The following MFHAS1 variants were observed in gnomAD, a reference collection of about 807,000 sequenced individuals.
MFHAS1 encodes malignant fibrous histiocytoma-amplified sequence 1.
MFHAS1 carries 50 observed loss-of-function variants against 70.4 expected under a neutral mutation model. The ratio of observed to expected loss-of-function variants is 0.71; its 90% confidence interval spans 0.57 to 0.90. MFHAS1 has a LOEUF of 0.90. Among genes scored for constraint, MFHAS1 ranks in the 40% least tolerant of loss-of-function variants. The probability of loss-of-function intolerance (pLI) is 0.00; values close to 1 mark genes in which losing one functional copy is unlikely to be tolerated. For missense variants in MFHAS1, 1,795 were observed against 1,347.6 expected (o/e 1.33, Z -5.20); for synonymous variants, 952 against 620.0 (o/e 1.54, Z -7.96).
intron 1 of MFHAS1, among the ~76,000 whole-genome samples, chr8:8,847,224 C>G (rs1808069742): frequency 6.6e-6 from 1 of 152,116 alleles, no homozygotes; most frequent in African/African-American, 2.4e-5. Context: ...TCTTGTCATC[C>G]AGGCTGGAGT....
At chr8:8,851,682 T>C (rs946399485) in intron 1 of MFHAS1, among the ~76,000 whole-genome samples, 1 of 152,210 alleles carries the variant, frequency 6.6e-6, no homozygotes, top group African/African-American at 2.4e-5. Flanking sequence ...CCCTTCCTCT[T>C]GCCTTGTTTT....
intron 1 of MFHAS1, among the ~76,000 whole-genome samples, chr8:8,878,391 G>A (rs1235052762): frequency 1.3e-5 from 2 of 152,046 alleles, no homozygotes; most frequent in Non-Finnish European, 2.9e-5. Context: ...ACTTCCTAGG[G>A]CTGCTGTGGG....
chr8:8,820,900 C>T (rs1006366918), intron 1 of MFHAS1, among the ~76,000 whole-genome samples: 19 of 152,230 alleles, frequency 1.2e-4, no homozygotes, highest in African/African-American at 4.1e-4. Flanking sequence ...AACAAACCCA[C>T]ATCACACATT....
intron 1 of MFHAS1, among the ~76,000 whole-genome samples, chr8:8,804,846 C>T (rs1477405272): frequency 2.6e-5 from 4 of 152,220 alleles, no homozygotes; most frequent in Non-Finnish European, 5.9e-5. Context: ...GGCAGGTGCT[C>T]CACCTGGAGC....
chr8:8,814,890 A>G lies in MFHAS1; in HGVS notation c.2999-17399T>C, dbSNP rs182003815. Among the ~76,000 whole-genome samples, 12 of 146,910 alleles carry G rather than the reference A, an allele frequency of 8.2e-5. No homozygotes were observed. The East Asian group carries it at 2.4e-3, about 29-fold the overall frequency. ...TTTCTTATTTTAGGTTCTGGGGTAC[A>G]TGTACAGGATGTGCAGGTTTGTTAC... On this transcript the variant is annotated intron_variant, in intron 1 of 2. Coordinates refer to ENST00000276282, the MANE Select transcript of MFHAS1 (RefSeq NM_004225.3).
chr8:8,825,070 G>A (rs1477302657), intron 1 of MFHAS1, among the ~76,000 whole-genome samples: 1 of 152,228 alleles, frequency 6.6e-6, no homozygotes, highest in South Asian at 2.1e-4. Flanking sequence ...TCTGCAAAAT[G>A]CAGAGCTCCC....
chr8:8,786,142 G>C lies in MFHAS1; in HGVS notation c.3126-87C>G, dbSNP rs560637019. The C allele has an allele frequency of 7.2e-4, 898 of 1,250,504 alleles. 3 individuals are homozygous for C. The highest frequency in any genetic ancestry group is 1.0e-3 in the Non-Finnish European group (854 of 852,252). 77.5% of individuals were successfully genotyped at this position (1,250,504 alleles called of 1,614,324 possible). A position where few individuals can be genotyped will look rare whatever the true frequency, so the allele number is the denominator to read the frequency against. On this transcript the variant is annotated intron_variant, in intron 2 of 2. Coordinates refer to ENST00000276282, the MANE Select transcript of MFHAS1 (RefSeq NM_004225.3). ...TCAATAAGAAAAGGAAGTGATGATA[G>C]AAATCTATTTTCTGCACATATTTTC...
At chr8:8,829,261 AC>A (rs1436347798) in intron 1 of MFHAS1, among the ~76,000 whole-genome samples, 1 of 151,938 alleles carries the variant, frequency 6.6e-6, no homozygotes, top group Non-Finnish European at 1.5e-5. Context: ...ACCGGGCTGC[AC>A]CCCCACCTGG....
At chr8:8,827,585 T>C (rs1159182711) in intron 1 of MFHAS1, among the ~76,000 whole-genome samples, 1 of 152,238 alleles carries the variant, frequency 6.6e-6, no homozygotes, top group Non-Finnish European at 1.5e-5. Flanking sequence ...TCATTTTTCC[T>C]ATTGACTTCT....
At chr8:8,833,218 C>CCCCACG (rs1238257315) in intron 1 of MFHAS1, among the ~76,000 whole-genome samples, 1 of 152,306 alleles carries the variant, frequency 6.6e-6, no homozygotes, top group East Asian at 1.9e-4. Flanking sequence ...TCCCACCAGG[C>CCCCACG]CCCACCTTCA....
chr8:8,891,794 T>C lies in MFHAS1; in HGVS notation c.1265A>G (p.Lys422Arg), dbSNP rs200694326. 1 of 1,613,340 alleles carries C rather than the reference T, an allele frequency of 6.2e-7. No homozygotes were observed. Among genetic ancestry groups the C allele is most frequent in the East Asian group, 2.2e-5 (1 of 44,874 alleles). Residue 422 changes from lysine (K) to arginine (R), a missense_variant, in exon 1 of 3, where the codon AAG (lysine) becomes AGG (arginine). By Grantham distance (26) the Lys-to-Arg change is conservative. Transcript: ENST00000276282. This position sits in a 1 kb window ranked among gnomAD's most constrained non-coding sequence, Gnocchi z 5.4. ...LLLMGHKAAG[K>R]TLLRHCLTEE... is the part of the protein sequence containing the mutation. Reference sequence around the variant, plus strand: ...GGTGAGGCAGTGGCGCAGCAAAGTCTTTCCTGCAGCCTTATGCCCCATCAG... The same window carrying C: ...GGTGAGGCAGTGGCGCAGCAAAGTCCTTCCTGCAGCCTTATGCCCCATCAG...
intron 2 of MFHAS1, among the ~76,000 whole-genome samples, chr8:8,791,438 G>C (rs1307209756): frequency 6.6e-6 from 1 of 152,158 alleles, no homozygotes; most frequent in Non-Finnish European, 1.5e-5. Flanking sequence ...AAAATCAGTA[G>C]ATAAACTGGG....
intron 1 of MFHAS1, among the ~76,000 whole-genome samples, chr8:8,804,182 T>A (rs920472761): frequency 6.6e-6 from 1 of 152,114 alleles, no homozygotes; most frequent in South Asian, 2.1e-4. Flanking sequence ...TAAGGTATGG[T>A]TCCAACGACA....
intron 1 of MFHAS1, among the ~76,000 whole-genome samples, chr8:8,802,335 A>G (rs1430652875): frequency 6.6e-6 from 1 of 152,234 alleles, no homozygotes; most frequent in African/African-American, 2.4e-5. Flanking sequence ...TGATGTTTAA[A>G]TTAGGTAACA....
At chr8:8,829,660 GAA>G (rs1156526952) in intron 1 of MFHAS1, among the ~76,000 whole-genome samples, 1 of 152,192 alleles carries the variant, frequency 6.6e-6, no homozygotes, top group Non-Finnish European at 1.5e-5. Context: ...CAGCCTGGGC[GAA>G]AGAGTGAGAC....
rs151297285 is a variant in MFHAS1 at position 8,892,615 on chromosome 8, G to T, written c.444C>A (p.Pro148=). Residue 148 remains proline, a synonymous_variant, in exon 1 of 3, where the codon CCC becomes CCA. Coordinates refer to ENST00000276282, the MANE Select transcript of MFHAS1 (RefSeq NM_004225.3). This position sits in a 1 kb window ranked among gnomAD's most constrained non-coding sequence, Gnocchi z 4.7. ...GAGCGCCCAGCTGGGCGGGCAGGGC[G>T]GGCAGCTGGTTGTGGCTGAGGTTGA... ...RKLNLSHNQL[P]ALPAQLGALA... The T allele has an allele frequency of 1.2e-6, 2 of 1,607,946 alleles. No individual in the cohort carries two copies. The highest frequency in any genetic ancestry group is 1.7e-6 in the Non-Finnish European group (2 of 1,177,754).
intron 1 of MFHAS1, 25 bp from the exon 2 acceptor site, chr8:8,797,516 G>T (rs1217404052): frequency 6.2e-7 from 1 of 1,604,854 alleles, no homozygotes; most frequent in African/African-American, 1.3e-5. Flanking sequence ...AGAAAAACGT[G>T]TTAGGGAGAT....
At chr8:8,810,345 G>A (rs772663116) in intron 1 of MFHAS1, among the ~76,000 whole-genome samples, 3 of 152,150 alleles carry the variant, frequency 2.0e-5, no homozygotes, top group East Asian at 3.9e-4. Context: ...CAGTATGGGC[G>A]GCAAAGCAAG....
At chr8:8,844,897 G>A (rs1807970630) in intron 1 of MFHAS1, among the ~76,000 whole-genome samples, 1 of 152,140 alleles carries the variant, frequency 6.6e-6, no homozygotes, top group African/African-American at 2.4e-5. Flanking sequence ...GGTTGTTGCT[G>A]TATTTTCAAG....
Sources: allele counts gnomAD v4.1 joint callset (sites outside exome capture counted in the v4.1 genomes callset), GRCh38; gene constraint gnomAD v4.1.1; non-coding constraint Gnocchi (gnomAD v3.1); transcripts MANE v1.5; gene names NCBI Gene and HGNC (gene_info 2026-07-23, HGNC 2026-07-21).